The following DOCK3 variants were observed in gnomAD, a reference collection of about 807,000 sequenced individuals.
DOCK3 encodes the protein dedicator of cytokinesis 3.
DOCK3 carries 60 observed loss-of-function variants against 265.6 expected under a neutral mutation model. That is an observed-to-expected ratio of 0.23 (90% CI 0.18 to 0.28). The LOEUF (loss-of-function observed/expected upper bound fraction) is 0.28. Ranked by LOEUF, DOCK3 falls within the 10% of genes least tolerant of loss-of-function variation. DOCK3 has a pLI of 1.00. For synonymous variants in DOCK3, 881 were observed against 938.0 expected, an observed-to-expected ratio of 0.94 and a Z score of 1.11; for missense variants, 1,981 against 2,594.3, an observed-to-expected ratio of 0.76 and a Z score of 5.14.
intron 12 of DOCK3, among the ~76,000 whole-genome samples, chr3:51,205,407 C>A (rs540675436): frequency 1.3e-5 from 2 of 151,746 alleles, no homozygotes; most frequent in South Asian, 4.2e-4. Context: ...AAAAACTGAA[C>A]AATTGGCCCA....
chr3:50,923,482 C>T (rs1463084102), intron 4 of DOCK3, among the ~76,000 whole-genome samples: 4 of 152,272 alleles, frequency 2.6e-5, no homozygotes, highest in South Asian at 2.1e-4. Flanking sequence ...GATAATCTCA[C>T]GAATATTCTC....
intron 13 of DOCK3, among the ~76,000 whole-genome samples, chr3:51,210,339 C>T (rs2089437236): frequency 6.6e-6 from 1 of 152,168 alleles, no homozygotes; most frequent in African/African-American, 2.4e-5. Context: ...CACTGTGGGG[C>T]ACCACAGACT....
At chr3:50,714,606 C>A (rs1400585682) in intron 1 of DOCK3, among the ~76,000 whole-genome samples, 1 of 152,148 alleles carries the variant, frequency 6.6e-6, no homozygotes, top group South Asian at 2.1e-4. Context: ...CATGCCAGCA[C>A]ATCTGGCTAA....
chr3:50,818,265 C>T (rs959943083), intron 2 of DOCK3, among the ~76,000 whole-genome samples: 2 of 152,186 alleles, frequency 1.3e-5, no homozygotes, highest in Non-Finnish European at 2.9e-5. Context: ...AGCCCCATAC[C>T]GTACTCAGGC....
chr3:51,305,267 C>T (rs554166389), intron 27 of DOCK3, among the ~76,000 whole-genome samples: 137 of 152,224 alleles, frequency 9.0e-4, no homozygotes, highest in African/African-American at 3.1e-3. Context: ...TTTATAATTA[C>T]GACTTCCAGA....
intron 12 of DOCK3, among the ~76,000 whole-genome samples, chr3:51,165,636 A>G (rs1221767065): frequency 6.6e-6 from 1 of 151,990 alleles, no homozygotes; most frequent in Non-Finnish European, 1.5e-5. Flanking sequence ...CCACCGTTCT[A>G]CTCTCTGCTT....
intron 6 of DOCK3, among the ~76,000 whole-genome samples, chr3:51,073,120 G>T (rs1025584606): frequency 6.6e-6 from 1 of 152,082 alleles, no homozygotes; most frequent in Non-Finnish European, 1.5e-5. Flanking sequence ...TAAAGAATAT[G>T]TATGAAATGT....
chr3:50,798,409 A>G (rs776382629), intron 2 of DOCK3, among the ~76,000 whole-genome samples: 109 of 152,292 alleles, frequency 7.2e-4, no homozygotes, highest in Middle Eastern at 6.8e-3. Context: ...TGACAAGAGA[A>G]TGAGAAAGGC....
intron 11 of DOCK3, 83 bp downstream of exon 11, chr3:51,159,387 C>A: frequency 7.7e-7 from 1 of 1,293,374 alleles, no homozygotes; most frequent in African/African-American, 1.4e-5. Context: ...TTTGTTTTCT[C>A]CCTAGATCTT....
At position 50,675,436 on chromosome 3, in the gene DOCK3, G is replaced by T. The variant is rs566944071; in HGVS notation, c.37+136G>T. 1 of 779,280 alleles carries T rather than the reference G, an allele frequency of 1.3e-6. No homozygotes were observed. 48.3% of individuals were successfully genotyped at this position (779,280 alleles called of 1,614,324 possible). ...GGCCTCGGCGCGGGGCGAGCGCGGG[G>T]TGGGGGCAGGTGCGGGTGCGGGTGC... On this transcript the variant is annotated intron_variant, in intron 1 of 52. Transcript: ENST00000266037. This position sits in a 1 kb window ranked among gnomAD's most constrained non-coding sequence, Gnocchi z 6.1.
At chr3:51,231,147 G>A (rs375022363) in intron 19 of DOCK3, among the ~76,000 whole-genome samples, 2 of 6,688 alleles carry the variant, frequency 3.0e-4, no homozygotes, top group East Asian at 2.9e-3. Context: ...TTTTTTTTTT[G>A]AGACGGAGTC....
intron 3 of DOCK3, among the ~76,000 whole-genome samples, chr3:50,858,991 A>G (rs1017403856): frequency 6.6e-6 from 1 of 152,108 alleles, no homozygotes; most frequent in Non-Finnish European, 1.5e-5. Flanking sequence ...TGTGTTATTC[A>G]GCTCTGTCAG....
intron 3 of DOCK3, among the ~76,000 whole-genome samples, chr3:50,859,803 C>G (rs1229095746): frequency 6.6e-6 from 1 of 152,188 alleles, no homozygotes; most frequent in African/African-American, 2.4e-5. Flanking sequence ...AGTTGGTAGA[C>G]TCTTGCTCAG....
intron 9 of DOCK3, among the ~76,000 whole-genome samples, chr3:51,127,420 A>G (rs2084317870): frequency 6.6e-6 from 1 of 152,232 alleles, no homozygotes; most frequent in African/African-American, 2.4e-5. Context: ...GAATAAAGAC[A>G]ATAATAAGGT....
rs71084110 is a variant in DOCK3, at chr3:50,754,157, C to CAAA, written c.38-24496_38-24494dup. On this transcript the variant is annotated intron_variant, in intron 1 of 52. Transcript: ENST00000266037. ...GGTGAGACAGAGTGAGACTCTGTCT[C>CAAA]AAAAAAAAAAAAAAAAAAAAAAAAG... Among the ~76,000 whole-genome samples the CAAA allele has an allele frequency of 5.9e-3, 361 of 60,764 alleles. 1 individual carries two copies. Among genetic ancestry groups the CAAA allele is most frequent in the Non-Finnish European group, 6.4e-3 (244 of 38,302 alleles). 39.9% of individuals were successfully genotyped at this position (60,764 alleles called of 152,430 possible). A position where few individuals can be genotyped will look rare whatever the true frequency, so the allele number is the denominator to read the frequency against.
chr3:50,802,252 T>C (rs1452846835), intron 2 of DOCK3, among the ~76,000 whole-genome samples: 5 of 152,198 alleles, frequency 3.3e-5, no homozygotes, highest in African/African-American at 7.2e-5. Context: ...GTTTTGTATA[T>C]TCTTTGTTTC....
intron 5 of DOCK3, among the ~76,000 whole-genome samples, chr3:51,040,120 C>T (rs2080424415): frequency 6.6e-6 from 1 of 151,856 alleles, no homozygotes; most frequent in Admixed American, 6.6e-5. Flanking sequence ...TCTGTTTGTA[C>T]TTCATTGACT....
At chr3:50,724,277 G>C (rs1269245767) in intron 1 of DOCK3, among the ~76,000 whole-genome samples, 1 of 152,212 alleles carries the variant, frequency 6.6e-6, no homozygotes, top group Non-Finnish European at 1.5e-5. Flanking sequence ...CACTGTGGAA[G>C]ACTGTGTGGC....
intron 9 of DOCK3, among the ~76,000 whole-genome samples, chr3:51,096,224 A>G (rs1276879290): frequency 1.3e-5 from 2 of 152,090 alleles, no homozygotes; most frequent in South Asian, 2.1e-4. Context: ...TATCCTGAAG[A>G]GTGTTTTCCA....
Sources: allele counts gnomAD v4.1 joint callset (sites outside exome capture counted in the v4.1 genomes callset), GRCh38; gene constraint gnomAD v4.1.1; non-coding constraint Gnocchi (gnomAD v3.1); transcripts MANE v1.5; gene names NCBI Gene and HGNC (gene_info 2026-07-23, HGNC 2026-07-21).